The following PCDH15 variants were observed in gnomAD, a reference collection of about 807,000 sequenced individuals.
PCDH15 encodes the protein protocadherin related 15, also known as protocadherin-15.
In PCDH15, 129 loss-of-function variants were observed where a neutral mutation model predicts 178.5. That is an observed-to-expected ratio of 0.72 (90% CI 0.63 to 0.84). PCDH15 has a LOEUF of 0.84. PCDH15 is among the 40% of genes least tolerant of loss of function. PCDH15 has a pLI of 0.00. For missense variants in PCDH15, 2,230 were observed against 2,099.9 expected (o/e 1.06, Z -1.21); for synonymous variants, 800 against 732.0 (o/e 1.09, Z -1.50).
At chr10:54,644,926 C>A (rs755682231) in intron 2 of PCDH15, among the ~76,000 whole-genome samples, 3 of 152,092 alleles carry the variant, frequency 2.0e-5, no homozygotes, top group African/African-American at 4.8e-5. Context: ...CCAAAGGATG[C>A]GGCAACAGGC....
chr10:54,326,583 T>G (rs1217500193), intron 7 of PCDH15, among the ~76,000 whole-genome samples: 2 of 152,136 alleles, frequency 1.3e-5, no homozygotes, highest in Non-Finnish European at 2.9e-5. Context: ...GTATGTTTTA[T>G]TAATATACCC....
At chr10:55,121,558 AAT>A (rs1837773855) in intron 2 of PCDH15, among the ~76,000 whole-genome samples, 1 of 152,234 alleles carries the variant, frequency 6.6e-6, no homozygotes, top group Non-Finnish European at 1.5e-5. Flanking sequence ...TCATGGTTTG[AAT>A]ATATGTGTCT....
Position 55,298,213 on chromosome 10 carries a change from T to G in PCDH15, c.-156+21386A>C, listed in dbSNP as rs554914506. On this transcript the variant is annotated intron_variant, in intron 1 of 5. Transcript: ENST00000458638. ...GAGAAAAGGGGAATAAGAATGCATT[T>G]AAACCCAGGATTTTCACAAAGCACA... Among the ~76,000 whole-genome samples, 22 of 152,300 alleles carry G rather than the reference T, an allele frequency of 1.4e-4. No homozygotes were observed. The South Asian group carries it at 3.7e-3, about 26-fold the overall frequency.
At chr10:54,434,636 A>T (rs2075262362) in intron 3 of PCDH15, among the ~76,000 whole-genome samples, 1 of 152,216 alleles carries the variant, frequency 6.6e-6, no homozygotes, top group Admixed American at 6.5e-5. Context: ...ATGTTCACAC[A>T]ATGACAAAAT....
chr10:54,143,284 A>G (rs922659399), intron 14 of PCDH15, among the ~76,000 whole-genome samples: 5 of 152,156 alleles, frequency 3.3e-5, no homozygotes, highest in Non-Finnish European at 7.4e-5. Context: ...GTCAGTAATA[A>G]TTATGATTAT....
intron 13 of PCDH15, among the ~76,000 whole-genome samples, chr10:54,157,388 T>C (rs944822565): frequency 3.9e-5 from 6 of 152,210 alleles, no homozygotes; most frequent in African/African-American, 9.6e-5. Flanking sequence ...CTGCTGAGGC[T>C]TGGAGCTTGA....
At chr10:54,261,395 T>C (rs1299584036) in intron 8 of PCDH15, among the ~76,000 whole-genome samples, 1 of 151,834 alleles carries the variant, frequency 6.6e-6, no homozygotes, top group South Asian at 2.1e-4. Flanking sequence ...ATAATAATAA[T>C]ACTTCAAATA....
rs1952610244 is a variant in PCDH15, at chr10:54,800,954, T to C, written c.-58A>G. 6.6e-6 allele frequency: 1 copy of C among 152,178 alleles called. No individual in the cohort carries two copies. The highest frequency in any genetic ancestry group is 2.4e-5 in the African/African-American group (1 of 41,452). 9.4% of individuals were successfully genotyped at this position (152,178 alleles called of 1,614,324 possible). ...GGTTTAAAGTTTCATCTTTAGTCCATGTAAGATTATGCAGCAAGTTTTCTT... is the reference window on the plus strand; with the variant it reads ...GGTTTAAAGTTTCATCTTTAGTCCACGTAAGATTATGCAGCAAGTTTTCTT... On this transcript the variant is annotated 5_prime_UTR_variant, in exon 1 of 38. It removes an upstream start codon present in the reference 5' UTR. Transcript: ENST00000644397.
chr10:54,843,978 T>C (rs146625336), intron 3 of PCDH15, among the ~76,000 whole-genome samples: 9 of 152,156 alleles, frequency 5.9e-5, no homozygotes, highest in Admixed American at 1.3e-4. Context: ...AGTTTTAGCA[T>C]AGAATCTCAT....
intron 3 of PCDH15, among the ~76,000 whole-genome samples, chr10:54,834,469 C>A (rs11004590): frequency 2.0e-5 from 3 of 151,718 alleles, no homozygotes; most frequent in African/African-American, 7.3e-5. Flanking sequence ...TGAGCCACTG[C>A]GCCCAGCTTA....
chr10:54,622,989 A>G (rs1235390363), intron 2 of PCDH15, among the ~76,000 whole-genome samples: 2 of 151,062 alleles, frequency 1.3e-5, no homozygotes, highest in Non-Finnish European at 2.9e-5. Flanking sequence ...CAAATGTCAC[A>G]CTTCAGGTTA....
At chr10:55,092,989 G>A (rs1047576883) in intron 2 of PCDH15, among the ~76,000 whole-genome samples, 34 of 152,072 alleles carry the variant, frequency 2.2e-4, no homozygotes, top group African/African-American at 7.5e-4. Context: ...CTTTGAATGT[G>A]AGATGCTATT....
At chr10:54,779,165 C>T (rs904842903) in intron 1 of PCDH15, among the ~76,000 whole-genome samples, 8 of 151,754 alleles carry the variant, frequency 5.3e-5, no homozygotes, top group African/African-American at 1.9e-4. Flanking sequence ...TAAATATATT[C>T]ATGAGTCAAA....
intron 1 of PCDH15, among the ~76,000 whole-genome samples, chr10:55,179,851 G>T (rs1007322966): frequency 1.3e-5 from 2 of 151,780 alleles, no homozygotes; most frequent in Non-Finnish European, 2.9e-5. Flanking sequence ...GTGGCAACTG[G>T]GTGACACTCC....
At chr10:54,261,843 T>C (rs1004545451) in intron 8 of PCDH15, among the ~76,000 whole-genome samples, 4 of 152,170 alleles carry the variant, frequency 2.6e-5, no homozygotes, top group Non-Finnish European at 5.9e-5. Context: ...GCCTCTTCCA[T>C]GGAGAGGAAC....
intron 26 of PCDH15, among the ~76,000 whole-genome samples, chr10:53,875,623 A>AAGTT (rs998606033): frequency 6.6e-6 from 1 of 152,044 alleles, no homozygotes; most frequent in African/African-American, 2.4e-5. Flanking sequence ...ATAAAAAAAA[A>AAGTT]AGTTAGTCTA....
intron 1 of PCDH15, among the ~76,000 whole-genome samples, chr10:54,775,917 A>G (rs575532605): frequency 6.6e-6 from 1 of 152,042 alleles, no homozygotes; most frequent in Admixed American, 6.5e-5. Context: ...AAAAACAAAT[A>G]TCTCCACATC....
intron 2 of PCDH15, among the ~76,000 whole-genome samples, chr10:55,582,757 T>C (rs1345474610): frequency 1.3e-5 from 2 of 151,216 alleles, no homozygotes; most frequent in African/African-American, 4.9e-5. Context: ...AATAATTTAT[T>C]AATTAAATCC....
chr10:55,125,476 G>A (rs1181532299), intron 2 of PCDH15, among the ~76,000 whole-genome samples: 2 of 151,988 alleles, frequency 1.3e-5, no homozygotes, highest in Non-Finnish European at 2.9e-5. Flanking sequence ...ACAAGTGGAA[G>A]TCAGAGGGTA....
Sources: allele counts gnomAD v4.1 joint callset (sites outside exome capture counted in the v4.1 genomes callset), GRCh38; gene constraint gnomAD v4.1.1; transcripts MANE v1.5; gene names NCBI Gene and HGNC (gene_info 2026-07-23, HGNC 2026-07-21).